The following SLC24A2 variants were observed in gnomAD, a reference collection of about 807,000 sequenced individuals.
SLC24A2 encodes the protein sodium/potassium/calcium exchanger 2.
In SLC24A2, 36 loss-of-function variants were observed where a neutral mutation model predicts 62.0. The observed-to-expected ratio is 0.58, with a 90% CI of 0.44 to 0.77. SLC24A2 has a LOEUF of 0.77. Ranked by LOEUF, SLC24A2 falls within the 30% of genes least tolerant of loss-of-function variation. SLC24A2 has a pLI of 0.00. For synonymous variants in SLC24A2, 358 were observed against 294.0 expected (o/e 1.22, Z -2.23); for missense variants, 846 against 817.9 (o/e 1.03, Z -0.42).
chr9:19,994,348 G>C, the SLC24A2 span, among the ~76,000 whole-genome samples: 1 of 151,972 alleles, frequency 6.6e-6, no homozygotes, highest in Non-Finnish European at 1.5e-5. Flanking sequence ...GAATAACCAG[G>C]GTAATTACCC....
the SLC24A2 span, among the ~76,000 whole-genome samples, chr9:20,109,221 C>G: frequency 6.6e-6 from 1 of 152,144 alleles, no homozygotes; most frequent in African/African-American, 2.4e-5. Flanking sequence ...CAAAATTTAT[C>G]CTTAAGTGAT....
the SLC24A2 span, among the ~76,000 whole-genome samples, chr9:20,200,015 G>A: frequency 1.3e-5 from 2 of 151,424 alleles, no homozygotes; most frequent in South Asian, 4.2e-4. Flanking sequence ...ACAGGCGTGA[G>A]ACACCGCGAC....
intron 7 of SLC24A2, among the ~76,000 whole-genome samples, chr9:19,555,269 C>G (rs571331050): frequency 6.6e-5 from 10 of 152,244 alleles, no homozygotes; most frequent in Non-Finnish European, 1.2e-4. Flanking sequence ...TATGAGGACT[C>G]AAGGGAGAAA....
At chr9:19,818,121 T>A in the SLC24A2 span, among the ~76,000 whole-genome samples, 1 of 152,158 alleles carries the variant, frequency 6.6e-6, no homozygotes, top group Non-Finnish European at 1.5e-5. Flanking sequence ...CGAGATTTAT[T>A]TATCTTCAAT....
At chr9:19,850,750 G>A in the SLC24A2 span, among the ~76,000 whole-genome samples, 6 of 151,256 alleles carry the variant, frequency 4.0e-5, no homozygotes, top group South Asian at 6.3e-4. Flanking sequence ...TCCATTTAAT[G>A]TAATATTAAG....
intron 2 of SLC24A2, among the ~76,000 whole-genome samples, chr9:19,709,325 A>G (rs998920532): frequency 6.6e-6 from 1 of 152,240 alleles, no homozygotes; most frequent in Non-Finnish European, 1.5e-5. Context: ...AACTAGTTCA[A>G]CTATTGTGGA....
chr9:19,524,703 T>A (rs1029400185), intron 9 of SLC24A2, among the ~76,000 whole-genome samples: 1 of 152,184 alleles, frequency 6.6e-6, no homozygotes, highest in Non-Finnish European at 1.5e-5. Context: ...CTTCCATCAA[T>A]GAAAAGTAAG....
the SLC24A2 span, among the ~76,000 whole-genome samples, chr9:19,842,096 T>C: frequency 6.6e-6 from 1 of 152,222 alleles, no homozygotes. Context: ...ACATCTTCTA[T>C]TATGGAAGTG....
the SLC24A2 span, among the ~76,000 whole-genome samples, chr9:20,017,516 A>G: frequency 6.6e-6 from 1 of 152,164 alleles, no homozygotes; most frequent in African/African-American, 2.4e-5. Context: ...AGATGTACAT[A>G]TGAAAGGGTG....
chr9:19,787,707 GACATTGT>G (rs1324646142), intron 1 of SLC24A2, among the ~76,000 whole-genome samples: 4 of 61,134 alleles, frequency 6.5e-5, no homozygotes, highest in Admixed American at 4.4e-4. Context: ...TAAACATCTA[GACATTGT>G]TTTCAGCTAA....
At chr9:20,225,167 A>G in the SLC24A2 span, among the ~76,000 whole-genome samples, 1 of 152,110 alleles carries the variant, frequency 6.6e-6, no homozygotes, top group Non-Finnish European at 1.5e-5. Flanking sequence ...AGAAGGGTAC[A>G]TATTTTTAAG....
chr9:19,730,879 G>GTT (rs67718224), intron 2 of SLC24A2, among the ~76,000 whole-genome samples: 2 of 149,044 alleles, frequency 1.3e-5, no homozygotes, highest in African/African-American at 4.9e-5. Flanking sequence ...TAACTCTTAG[G>GTT]TTTTTTTTTT....
At chr9:19,567,690 C>CAAAAAAA (rs113815958) in intron 7 of SLC24A2, among the ~76,000 whole-genome samples, 3 of 142,484 alleles carry the variant, frequency 2.1e-5, no homozygotes, top group African/African-American at 5.2e-5. Flanking sequence ...TTAAAATAAC[C>CAAAAAAA]AAAAAAAAAA....
intron 2 of SLC24A2, among the ~76,000 whole-genome samples, chr9:19,707,451 C>T (rs1234010222): frequency 1.3e-5 from 2 of 151,926 alleles, no homozygotes; most frequent in Non-Finnish European, 2.9e-5. Flanking sequence ...GAGACACAAC[C>T]AAAAAAGAAT....
the SLC24A2 span, among the ~76,000 whole-genome samples, chr9:20,092,245 T>C: frequency 2.0e-5 from 3 of 152,042 alleles, no homozygotes; most frequent in Admixed American, 2.0e-4. Context: ...AAAATAAAAG[T>C]TTAAAGAAAA....
intron 2 of SLC24A2, among the ~76,000 whole-genome samples, chr9:19,663,566 T>G (rs955261939): frequency 6.6e-6 from 1 of 152,030 alleles, no homozygotes; most frequent in African/African-American, 2.4e-5. Flanking sequence ...AGAACAGCAG[T>G]AAAGGCCCTG....
the SLC24A2 span, among the ~76,000 whole-genome samples, chr9:20,211,677 T>TA: frequency 2.0e-5 from 3 of 152,240 alleles, no homozygotes; most frequent in South Asian, 4.1e-4. Context: ...AAATAAGGTG[T>TA]AAAATAATAA....
the SLC24A2 span, among the ~76,000 whole-genome samples, chr9:20,135,212 A>C: frequency 6.6e-6 from 1 of 152,158 alleles, no homozygotes; most frequent in Non-Finnish European, 1.5e-5. Flanking sequence ...AAAATCAGAC[A>C]AATTTAAATT....
At chr9:19,789,469 T>TG (rs1333450443), upstream of SLC24A2, among the ~76,000 whole-genome samples, 5 of 152,182 alleles carry the variant, frequency 3.3e-5, no homozygotes, top group African/African-American at 1.2e-4. Flanking sequence ...GACAGGCTGT[T>TG]GGGGTCCAGG....
Sources: allele counts gnomAD v4.1 joint callset (sites outside exome capture counted in the v4.1 genomes callset), GRCh38; gene constraint gnomAD v4.1.1; transcripts MANE v1.5; gene names NCBI Gene and HGNC (gene_info 2026-07-23, HGNC 2026-07-21).